SERINC5: variants seen among roughly 807,000 people sequenced by gnomAD.
SERINC5 encodes serine incorporator 5.
SERINC5 carries 41 observed loss-of-function variants against 63.1 expected under a neutral mutation model. The observed-to-expected ratio is 0.65, with a 90% confidence interval of 0.51 to 0.84. SERINC5 has a LOEUF of 0.84. SERINC5 is among the 40% of genes least tolerant of loss of function. The pLI is 0.00. For missense variants in SERINC5, 523 were observed against 573.0 expected, an observed-to-expected ratio of 0.91 and a Z score of 0.89; for synonymous variants, 222 against 215.2, an observed-to-expected ratio of 1.03 and a Z score of -0.28.
intron 11 of SERINC5, among the ~76,000 whole-genome samples, chr5:80,118,714 A>ATTT (rs34814066): frequency 0.036 from 3,868 of 108,156 alleles, 229 homozygotes; most frequent in African/African-American, 0.11. Flanking sequence ...TGTCCAGCTA[A>ATTT]TTTTTTTTTT....
In SERINC5 at chr5:80,245,342, C is replaced by T. The variant is rs139952866; in HGVS notation, c.27+10554G>A. ...CATTCAGGAAAGAGGACCCACTCTC[C>T]CCGTGCTCCCCTGCATGGGCTCATC... On this transcript the variant is annotated intron_variant, in intron 1 of 11. Coordinates refer to ENST00000507668, the MANE Select transcript of SERINC5 (RefSeq NM_001174072.3). 6.4e-3 allele frequency among the ~76,000 whole-genome samples: 971 copies of T among 152,278 alleles called. 4 individuals are homozygous for T. Among genetic ancestry groups the T allele is most frequent in the Middle Eastern group, 0.027 (8 of 294 alleles).
Position 80,174,669 on chromosome 5 carries a change from C to T in SERINC5, c.551+285G>A, listed in dbSNP as rs776779380. Among the ~76,000 whole-genome samples, 112 of 151,858 alleles carry T rather than the reference C, an allele frequency of 7.4e-4. 1 individual carries two copies. The highest frequency in any genetic ancestry group is 7.1e-4 in the Non-Finnish European group (48 of 67,942). ...CTGTAATCCCAGCACTTTGGGAGGC[C>T]GAGGTGGGCGGATCACGAGGTCAGG... is the stretch of plus-strand genomic sequence containing the variant. On this transcript the variant is annotated intron_variant, in intron 5 of 11. Transcript: ENST00000507668.
At position 80,139,560 on chromosome 5, in the gene SERINC5, G is replaced by C. The variant is rs1745374912; in HGVS notation, c.*4103C>G. On this transcript the variant is annotated 3_prime_UTR_variant, in exon 12 of 12. Transcript: ENST00000507668. ...GCCAAATATTTCAACCTTTCAAAAT[G>C]ACTGCCTCTGTGAAAGAGTTGTTGA... 2 of 982,340 alleles carry C rather than the reference G, an allele frequency of 2.0e-6. No homozygotes were observed. 60.9% of individuals were successfully genotyped at this position (982,340 alleles called of 1,614,324 possible).
Position 80,143,679 on chromosome 5 carries a change from C to A in SERINC5, c.1370G>T (p.Arg457Leu). 1 of 1,535,956 alleles carries A rather than the reference C, an allele frequency of 6.5e-7. No individual in the cohort carries two copies. ...TLVAPLCCPT[R>L]EFSV The stretch of plus-strand genomic sequence containing the variant: ...CCGATATCATCACACAGAGAACTCC[C>A]GGGTGGGGCAGCAGAGGGGAGCGAC... Residue 457 changes from arginine (R) to leucine (L), a missense_variant, in exon 12 of 12, where the codon CGG (arginine) becomes CTG (leucine). Coordinates refer to ENST00000507668, the MANE Select transcript of SERINC5 (RefSeq NM_001174072.3).
chr5:80,224,145 AAAAAG>A (rs1167999438), intron 1 of SERINC5, among the ~76,000 whole-genome samples: 21 of 150,086 alleles, frequency 1.4e-4, no homozygotes, highest in East Asian at 3.9e-4. Flanking sequence ...AAAAAAAAAA[AAAAAG>A]AAAAAAGAAA....
At chr5:80,245,900 C>A (rs1352463301) in intron 1 of SERINC5, among the ~76,000 whole-genome samples, 1 of 149,974 alleles carries the variant, frequency 6.7e-6, no homozygotes, top group Non-Finnish European at 1.5e-5. Flanking sequence ...CAGGTGTGAG[C>A]CACCACACCT....
chr5:80,170,327 T>C (rs569919811), intron 5 of SERINC5, among the ~76,000 whole-genome samples: 1 of 152,240 alleles, frequency 6.6e-6, no homozygotes, highest in South Asian at 2.1e-4. Flanking sequence ...GATACACATC[T>C]TGAAAGGTTT....
chr5:80,190,413 A>C (rs573858586), intron 2 of SERINC5, among the ~76,000 whole-genome samples: 9 of 152,190 alleles, frequency 5.9e-5, no homozygotes, highest in Non-Finnish European at 8.8e-5. Flanking sequence ...ATTTGTAAAA[A>C]TCCAGTGAAT....
intron 1 of SERINC5, among the ~76,000 whole-genome samples, chr5:80,204,208 T>C (rs1750037006): frequency 6.6e-6 from 1 of 152,198 alleles, no homozygotes; most frequent in Non-Finnish European, 1.5e-5. Context: ...AGCCCATTAT[T>C]GAACCTAAAG....
chr5:80,230,613 C>T (rs550747722), intron 1 of SERINC5, among the ~76,000 whole-genome samples: 1 of 152,284 alleles, frequency 6.6e-6, no homozygotes, highest in Admixed American at 6.5e-5. Context: ...AGTGCCGTCA[C>T]AGACTCTGTG....
intron 1 of SERINC5, among the ~76,000 whole-genome samples, chr5:80,223,295 T>G (rs1213906623): frequency 6.6e-6 from 1 of 152,232 alleles, no homozygotes; most frequent in Non-Finnish European, 1.5e-5. Flanking sequence ...TGATATAAAA[T>G]GGAATTTGCA....
At chr5:80,146,346 G>A (rs775046942) in intron 10 of SERINC5, 112 bp from the exon 11 acceptor site, 16 of 1,312,158 alleles carry the variant, frequency 1.2e-5, no homozygotes, top group Non-Finnish European at 1.5e-5. Flanking sequence ...ATGCCAGAAA[G>A]CCATCTGTAC....
chr5:80,224,633 T>G (rs1751082829), intron 1 of SERINC5, among the ~76,000 whole-genome samples: 1 of 148,456 alleles, frequency 6.7e-6, no homozygotes, highest in Admixed American at 6.7e-5. Context: ...AAAACACAAC[T>G]TTTTTTTTTA....
intron 7 of SERINC5, among the ~76,000 whole-genome samples, chr5:80,159,840 T>C (rs546327922): frequency 6.9e-4 from 105 of 152,322 alleles, no homozygotes; most frequent in Non-Finnish European, 1.2e-3. Context: ...CTCATCCACA[T>C]GTTAGGAACC....
intron 1 of SERINC5, among the ~76,000 whole-genome samples, chr5:80,207,842 AG>A (rs1750246086): frequency 6.6e-6 from 1 of 152,244 alleles, no homozygotes; most frequent in Non-Finnish European, 1.5e-5. Context: ...TATATATACC[AG>A]GTGGAAATTC....
chr5:80,245,605 A>AT (rs200588140), intron 1 of SERINC5, among the ~76,000 whole-genome samples: 16,063 of 125,150 alleles, frequency 0.13, 1,008 homozygotes, highest in Middle Eastern at 0.21. Flanking sequence ...CCCAGTGAAT[A>AT]TTTATTTTTT....
chr5:80,225,396 A>T (rs371306799), intron 1 of SERINC5, among the ~76,000 whole-genome samples: 41 of 152,316 alleles, frequency 2.7e-4, no homozygotes, highest in African/African-American at 9.4e-4. Flanking sequence ...GCAATACTTT[A>T]TAATGTTTAA....
chr5:80,166,310 A>C, intron 7 of SERINC5, 73 bp downstream of exon 7: 1 of 1,072,370 alleles, frequency 9.3e-7, no homozygotes, highest in Non-Finnish European at 1.4e-6. Flanking sequence ...TCCAATATTT[A>C]AACAATAGCT....
At chr5:80,197,213 G>A (rs927665972) in intron 2 of SERINC5, among the ~76,000 whole-genome samples, 6 of 152,120 alleles carry the variant, frequency 3.9e-5, no homozygotes, top group Admixed American at 1.3e-4. Flanking sequence ...GCCGGGCATG[G>A]TGGCAGGCAC....
Sources: gnomAD v4.1 joint callset for allele counts (sites outside exome capture counted in the v4.1 genomes callset) on GRCh38, gnomAD v4.1.1 for gene constraint, MANE v1.5 for transcripts, NCBI Gene and HGNC (gene_info 2026-07-23, HGNC 2026-07-21) for gene names.